Variants in ATAD2B observed in about 807,000 individuals in gnomAD.
ATAD2B encodes ATPase family AAA domain-containing protein 2B.
In ATAD2B, 40 loss-of-function variants were observed where a neutral mutation model predicts 167.6. The observed-to-expected ratio is 0.24, with a 90% CI of 0.19 to 0.31. ATAD2B has a LOEUF of 0.31. Among genes scored for constraint, ATAD2B ranks in the 10% least tolerant of loss-of-function variants. ATAD2B has a pLI of 1.00. For synonymous variants in ATAD2B, 579 were observed against 596.5 expected (o/e 0.97, Z 0.43); for missense variants, 1,242 against 1,757.2 (o/e 0.71, Z 5.24).
chr2:23,841,252 C>A (rs1370897137), intron 13 of ATAD2B, among the ~76,000 whole-genome samples: 1 of 151,776 alleles, frequency 6.6e-6, no homozygotes, highest in Non-Finnish European at 1.5e-5. Context: ...ATTGTTATAT[C>A]TTCTAGTAAA....
At chr2:23,880,562 C>CA (rs374010112) in intron 7 of ATAD2B, 77 bp downstream of exon 7, 29,502 of 678,228 alleles carry the variant, frequency 0.043, 1 homozygote, top group East Asian at 0.063. Context: ...GACTCTGTCT[C>CA]AAAAAAAAAA....
At chr2:23,850,928 G>T (rs1356061594) in intron 13 of ATAD2B, among the ~76,000 whole-genome samples, 1 of 152,102 alleles carries the variant, frequency 6.6e-6, no homozygotes, top group Non-Finnish European at 1.5e-5. Context: ...TAGGACACAA[G>T]GGCAAAACCC....
At chr2:23,906,654 GAC>G (rs1701541803) in intron 1 of ATAD2B, among the ~76,000 whole-genome samples, 1 of 152,008 alleles carries the variant, frequency 6.6e-6, no homozygotes, top group African/African-American at 2.4e-5. Context: ...GCCAGGCAGA[GAC>G]ACAACCAAAA....
At chr2:23,740,898 A>T in the ATAD2B span, among the ~76,000 whole-genome samples, 123 of 152,324 alleles carry the variant, frequency 8.1e-4, no homozygotes, top group Non-Finnish European at 1.7e-3. Flanking sequence ...AAGCACTCTT[A>T]TACACCAATA....
the ATAD2B span, chr2:23,688,968 C>G: frequency 6.6e-6 from 1 of 152,294 alleles, no homozygotes; most frequent in African/African-American, 2.4e-5. Flanking sequence ...GCCTAAGGAG[C>G]ACTGGGGTCC....
At chr2:23,865,813 C>T (rs1222866369) in intron 10 of ATAD2B, 2 of 157,026 alleles carry the variant, frequency 1.3e-5, no homozygotes, top group African/African-American at 4.8e-5. Context: ...ACTGATCTAT[C>T]ACAAGAAGCA....
intron 19 of ATAD2B, among the ~76,000 whole-genome samples, chr2:23,795,252 T>C (rs1682417734): frequency 6.6e-6 from 1 of 152,214 alleles, no homozygotes; most frequent in African/African-American, 2.4e-5. Flanking sequence ...TATATCTTTA[T>C]AAACACCATA....
At chr2:23,719,399 A>C in the ATAD2B span, among the ~76,000 whole-genome samples, 2 of 152,212 alleles carry the variant, frequency 1.3e-5, no homozygotes, top group Non-Finnish European at 2.9e-5. Context: ...AATAATTAAA[A>C]ACTTTAAAAG....
chr2:23,740,933 G>C, the ATAD2B span, among the ~76,000 whole-genome samples: 1 of 152,134 alleles, frequency 6.6e-6, no homozygotes, highest in East Asian at 1.9e-4. Context: ...GCCAAATCAT[G>C]AGTGAACTCC....
chr2:23,907,249 T>C (rs1701635664), intron 1 of ATAD2B, among the ~76,000 whole-genome samples: 1 of 152,160 alleles, frequency 6.6e-6, no homozygotes, highest in Admixed American at 6.5e-5. Context: ...CTCCTTAAGC[T>C]GATAAGCAAC....
At chr2:23,836,117 C>T (rs574306627) in intron 13 of ATAD2B, among the ~76,000 whole-genome samples, 9 of 150,022 alleles carry the variant, frequency 6.0e-5, no homozygotes, top group African/African-American at 2.2e-4. Flanking sequence ...GCCTGTATCC[C>T]ATGCCTGCCA....
At chr2:23,906,919 C>T (rs534659266) in intron 1 of ATAD2B, among the ~76,000 whole-genome samples, 15 of 150,934 alleles carry the variant, frequency 9.9e-5, no homozygotes, top group Non-Finnish European at 1.9e-4. Context: ...ATTCAACAAC[C>T]CTTCATGCTA....
chr2:23,691,633 C>A, the ATAD2B span: 1 of 1,528,352 alleles, frequency 6.5e-7, no homozygotes, highest in Non-Finnish European at 8.9e-7. Flanking sequence ...GCACGGTGGC[C>A]GCAGGGCAGG....
At chr2:23,742,846 T>C in the ATAD2B span, among the ~76,000 whole-genome samples, 1 of 151,856 alleles carries the variant, frequency 6.6e-6, no homozygotes. Flanking sequence ...ATAACAGTAG[T>C]TCTAAAAGTG....
At chr2:23,875,430 A>G (rs928862010) in intron 8 of ATAD2B, among the ~76,000 whole-genome samples, 2 of 151,796 alleles carry the variant, frequency 1.3e-5, no homozygotes, top group Non-Finnish European at 2.9e-5. Context: ...AACCCAGGAG[A>G]AAAGGTTGCA....
chr2:23,690,976 G>T, the ATAD2B span: 2 of 153,438 alleles, frequency 1.3e-5, no homozygotes, highest in Non-Finnish European at 1.5e-5. Context: ...CCCCGGGCCA[G>T]GCCCCAGGTC....
intron 4 of ATAD2B, among the ~76,000 whole-genome samples, chr2:23,887,036 G>C (rs939820880): frequency 2.1e-4 from 32 of 152,088 alleles, no homozygotes; most frequent in Admixed American, 1.8e-3. Flanking sequence ...CCAGCACTTT[G>C]GGAGGCCAAG....
chr2:23,877,570 G>C (rs1378849770), intron 7 of ATAD2B, among the ~76,000 whole-genome samples: 1 of 123,070 alleles, frequency 8.1e-6, no homozygotes, highest in African/African-American at 3.1e-5. Flanking sequence ...AGGGAGGGGA[G>C]GGGAGGGAAG....
At chr2:23,777,701 G>C (rs983873229) in intron 22 of ATAD2B, among the ~76,000 whole-genome samples, 4 of 152,140 alleles carry the variant, frequency 2.6e-5, no homozygotes, top group African/African-American at 9.7e-5. Flanking sequence ...TATAGCATAT[G>C]AATAGGCCTG....
Sources: gnomAD v4.1 joint callset for allele counts (sites outside exome capture counted in the v4.1 genomes callset) on GRCh38, gnomAD v4.1.1 for gene constraint, MANE v1.5 for transcripts, NCBI Gene and HGNC (gene_info 2026-07-23, HGNC 2026-07-21) for gene names.